The following SULT1A1 variants were observed in gnomAD, a reference collection of about 807,000 sequenced individuals.
SULT1A1 encodes sulfotransferase 1A1.
Under a neutral mutation model 36.8 loss-of-function variants are expected in SULT1A1, and 35 were observed. The observed-to-expected ratio is 0.95, with a 90% CI of 0.73 to 1.26. SULT1A1 has a LOEUF of 1.26. SULT1A1 is among the 50% of genes most tolerant of loss of function. SULT1A1 has a pLI of 0.00. For synonymous variants in SULT1A1, 119 were observed against 146.0 expected, an observed-to-expected ratio of 0.82 and a Z score of 1.33; for missense variants, 309 against 383.0, an observed-to-expected ratio of 0.81 and a Z score of 1.61.
intron 1 of SULT1A1, among the ~76,000 whole-genome samples, chr16:28,621,965 C>A (rs1350508411): frequency 6.6e-6 from 1 of 152,194 alleles, no homozygotes; most frequent in East Asian, 1.9e-4. Flanking sequence ...TGAGGTCACC[C>A]TGTTTGTTTA....
In SULT1A1 at chr16:28,609,919, T is replaced by C; in HGVS notation, c.-5+12A>G. Reference sequence around the variant, plus strand: ...GTGAGGGCGCCCTGGGCCGTTCCACTGTGTCACTCACCTGAGCTCTTGGGA... The same window carrying C: ...GTGAGGGCGCCCTGGGCCGTTCCACCGTGTCACTCACCTGAGCTCTTGGGA... On this transcript the variant is annotated intron_variant, in intron 1 of 7. Transcript: ENST00000314752. 7.8e-7 allele frequency: 1 copy of C among 1,284,310 alleles called. No individual in the cohort carries two copies. Among genetic ancestry groups the C allele is most frequent in the Middle Eastern group, 2.2e-4 (1 of 4,566 alleles). 79.6% of individuals were successfully genotyped at this position (1,284,310 alleles called of 1,614,324 possible).
upstream of SULT1A1, chr16:28,610,206 G>C: frequency 7.8e-7 from 1 of 1,281,102 alleles, no homozygotes. Context: ...GTAGAAAACA[G>C]AAGAATGAAA....
exon 1 of SULT1A1, chr16:28,623,335 G>A: frequency 6.6e-7 from 1 of 1,509,306 alleles, no homozygotes; most frequent in Non-Finnish European, 8.8e-7. Flanking sequence ...TGCAGCCGTT[G>A]CTGCAGCACG....
intron 1 of SULT1A1, 152 bp downstream of exon 1, chr16:28,609,779 G>A: frequency 1.1e-6 from 1 of 902,460 alleles, no homozygotes; most frequent in African/African-American, 1.7e-5. Flanking sequence ...ACAAACAAGG[G>A]AAGGGAGGGG....
chr16:28,616,196 A>G (rs989098423), intron 2 of SULT1A1, among the ~76,000 whole-genome samples: 13 of 152,210 alleles, frequency 8.5e-5, no homozygotes, highest in African/African-American at 3.1e-4. Flanking sequence ...TTCCTAGGCT[A>G]TGATTATTGA....
rs3176926 is a variant in SULT1A1 at position 28,606,231 on chromosome 16, C to G, written c.600G>C (p.Pro200=). The change falls in exon 7 of 8, where the codon CCG becomes CCC. Residue 200 remains proline, a synonymous_variant. Coordinates refer to ENST00000314752, the MANE Select transcript of SULT1A1 (RefSeq NM_001055.4). ...CCAGGATCTTTTGAATCTCCCTTTT[C>G]GGGTTCTGAGCAGCAGAGGGCCCCT... is the stretch of plus-strand genomic sequence containing the variant. ...YLFYEDMKEN[P]KREIQKILEF... 0.34 allele frequency: 462,347 copies of G among 1,351,868 alleles called. 111,968 individuals carry two copies. The highest frequency in any genetic ancestry group is 0.43 in the Admixed American group (21,945 of 50,924). The allele number at this position is 1,351,868 out of a possible 1,614,324, so 83.7% of individuals were successfully genotyped here.
intron 1 of SULT1A1, among the ~76,000 whole-genome samples, chr16:28,622,354 T>C (rs1339570329): frequency 1.3e-5 from 2 of 152,204 alleles, no homozygotes; most frequent in South Asian, 2.1e-4. Context: ...ATTGTTCTTA[T>C]TGTACGCAGT....
intron 1 of SULT1A1, among the ~76,000 whole-genome samples, chr16:28,622,844 C>T (rs2047682552): frequency 6.6e-6 from 1 of 152,164 alleles, no homozygotes; most frequent in Admixed American, 6.5e-5. Context: ...AGAGTCTGAG[C>T]CCCGACCCTA....
chr16:28,607,984 A>ATATTTATTTATT (rs1044297346), intron 4 of SULT1A1: 2 of 186,456 alleles, frequency 1.1e-5, no homozygotes, highest in African/African-American at 2.3e-5. Flanking sequence ...TTTTATTTAT[A>ATATTTATTTATT]TATTTATTTA....
intron 2 of SULT1A1, among the ~76,000 whole-genome samples, chr16:28,615,852 A>T (rs976559091): frequency 2.0e-5 from 3 of 152,220 alleles, no homozygotes; most frequent in Non-Finnish European, 2.9e-5. Flanking sequence ...GAGGGAGAGG[A>T]GACAAAGAGA....
rs577928320 is a variant in SULT1A1, at chr16:28,608,168, G to A, written c.372+123C>T. The stretch of plus-strand genomic sequence containing the variant: ...ACACCCGGCTAATTTTGTATTTTTA[G>A]TAGAGACAAGGTTCTTCTATGTTGC... On this transcript the variant is annotated intron_variant, in intron 4 of 7. Transcript: ENST00000314752. 53 of 1,370,566 alleles carry A rather than the reference G, an allele frequency of 3.9e-5. No homozygotes were observed. In the South Asian group the frequency reaches 7.0e-4, roughly 18 times the overall value. The allele number at this position is 1,370,566 out of a possible 1,614,324, so 84.9% of individuals were successfully genotyped here. A position where few individuals can be genotyped will look rare whatever the true frequency, so the allele number is the denominator to read the frequency against.
chr16:28,619,296 G>A (rs1363739165), intron 2 of SULT1A1, among the ~76,000 whole-genome samples: 1 of 152,176 alleles, frequency 6.6e-6, no homozygotes, highest in African/African-American at 2.4e-5. Context: ...AGAGGCGTGA[G>A]CCACCGTGCC....
intron 1 of SULT1A1, 144 bp from the exon 2 acceptor site, chr16:28,609,003 C>T: frequency 6.4e-7 from 1 of 1,551,342 alleles, no homozygotes; most frequent in Non-Finnish European, 8.7e-7. Flanking sequence ...AGTGGCGGGG[C>T]TGGGGCTGAA....
chr16:28,609,451 A>G (rs1187479232), intron 1 of SULT1A1: 11 of 1,240,798 alleles, frequency 8.9e-6, no homozygotes, highest in Middle Eastern at 2.2e-4. Flanking sequence ...GTGGGAATGA[A>G]CAAAACTCTG....
At chr16:28,621,506 A>AAAAAAAAG (rs1555485637) in intron 1 of SULT1A1, among the ~76,000 whole-genome samples, 13 of 42,448 alleles carry the variant, frequency 3.1e-4, no homozygotes, top group Admixed American at 4.7e-4. Flanking sequence ...AAAAAAAAAA[A>AAAAAAAAG]AAGAAGAAGA....
chr16:28,606,635 G>A (rs1227070620), intron 6 of SULT1A1, 126 bp downstream of exon 6: 1 of 1,441,562 alleles, frequency 6.9e-7, no homozygotes, highest in South Asian at 1.3e-5. Context: ...GGCCAAGAAG[G>A]CAGGATGGGG....
At chr16:28,619,913 ATC>A in intron 2 of SULT1A1, 1 of 523,988 alleles carries the variant, frequency 1.9e-6, no homozygotes, top group Non-Finnish European at 3.2e-6. Flanking sequence ...ATTTTTGTGG[ATC>A]TATGTACATA....
intron 1 of SULT1A1, chr16:28,609,469 A>G: frequency 7.5e-6 from 9 of 1,194,900 alleles, no homozygotes; most frequent in Non-Finnish European, 1.0e-5. Flanking sequence ...CTGATGACTC[A>G]GCAAAAGCAC....
At chr16:28,623,262 G>A in exon 1 of SULT1A1, 1 of 1,544,502 alleles carries the variant, frequency 6.5e-7, no homozygotes. Flanking sequence ...GTTGAAGTTG[G>A]CGTGGAAGGT....
Sources: gnomAD v4.1 joint callset for allele counts (sites outside exome capture counted in the v4.1 genomes callset) on GRCh38, gnomAD v4.1.1 for gene constraint, MANE v1.5 for transcripts, NCBI Gene and HGNC (gene_info 2026-07-23, HGNC 2026-07-21) for gene names.